KCNN3: variants seen among roughly 807,000 people sequenced by gnomAD.
The protein encoded by KCNN3 is small conductance calcium-activated potassium channel protein 3.
A neutral mutation model predicts 62.9 loss-of-function variants in KCNN3; 16 were observed. That is an observed-to-expected ratio of 0.25 (90% CI 0.17 to 0.39). The LOEUF is 0.39. KCNN3 is among the 10% of genes least tolerant of loss of function. The pLI, the probability that KCNN3 is intolerant of heterozygous loss-of-function variation, is 1.00. For synonymous variants in KCNN3, 370 were observed against 389.2 expected, an observed-to-expected ratio of 0.95 and a Z score of 0.58; for missense variants, 599 against 949.4, an observed-to-expected ratio of 0.63 and a Z score of 4.85.
intron 3 of KCNN3, among the ~76,000 whole-genome samples, chr1:154,761,250 A>C (rs926068203): frequency 6.6e-6 from 1 of 152,232 alleles, no homozygotes; most frequent in Non-Finnish European, 1.5e-5. Context: ...GGATCACCTG[A>C]GACCAGGAGC....
chr1:154,867,948 C>T (rs1653017017), intron 1 of KCNN3: 1 of 985,074 alleles, frequency 1.0e-6, no homozygotes. Context: ...CAGAAACCCA[C>T]CTTCCTCCAT....
intron 3 of KCNN3, among the ~76,000 whole-genome samples, chr1:154,739,703 G>T (rs570166062): frequency 3.9e-5 from 6 of 152,344 alleles, no homozygotes; most frequent in Admixed American, 3.3e-4. Context: ...CTGAAGTTAG[G>T]TTATGGTAAG....
At chr1:154,814,722 A>G (rs1451366189) in intron 2 of KCNN3, among the ~76,000 whole-genome samples, 1 of 152,196 alleles carries the variant, frequency 6.6e-6, no homozygotes, top group Non-Finnish European at 1.5e-5. Flanking sequence ...TTCTGTCTTC[A>G]AAGTGTAGTC....
intron 2 of KCNN3, among the ~76,000 whole-genome samples, chr1:154,817,999 G>A (rs112863534): frequency 6.6e-6 from 1 of 152,128 alleles, no homozygotes; most frequent in Non-Finnish European, 1.5e-5. Context: ...GGATTAGCAC[G>A]GTCTGAGAGC....
chr1:154,837,886 A>G lies in KCNN3; in HGVS notation c.934-15702T>C, dbSNP rs1651657826. Among the ~76,000 whole-genome samples the G allele has an allele frequency of 2.0e-5, 3 of 152,320 alleles. No homozygotes were observed. In the South Asian group the frequency reaches 6.2e-4, roughly 32 times the overall value. Reference sequence around the variant, plus strand: ...GGGTGAACTGTCTCACTGAAGAGACACAGCTGGGCCCAGCCAGGGCTGTGT... The same window carrying G: ...GGGTGAACTGTCTCACTGAAGAGACGCAGCTGGGCCCAGCCAGGGCTGTGT... On this transcript the variant is annotated intron_variant, in intron 1 of 7. Coordinates refer to ENST00000271915, the MANE Select transcript of KCNN3 (RefSeq NM_002249.6).
At chr1:154,800,836 C>T (rs904835633) in intron 2 of KCNN3, among the ~76,000 whole-genome samples, 2 of 152,080 alleles carry the variant, frequency 1.3e-5, no homozygotes, top group East Asian at 1.9e-4. Flanking sequence ...CTTGAGCTCA[C>T]GAGTTTGAGA....
intron 3 of KCNN3, among the ~76,000 whole-genome samples, chr1:154,743,975 G>A (rs2101805274): frequency 6.6e-6 from 1 of 152,186 alleles, no homozygotes; most frequent in East Asian, 1.9e-4. Flanking sequence ...TTGCACAAAT[G>A]TCAGCTTCTC....
intron 2 of KCNN3, among the ~76,000 whole-genome samples, chr1:154,814,556 G>A (rs758949510): frequency 3.9e-5 from 6 of 152,212 alleles, no homozygotes; most frequent in Non-Finnish European, 7.3e-5. Flanking sequence ...CCTGGAGGAG[G>A]AAATATCTAT....
chr1:154,707,909 C>T lies in KCNN3; in HGVS notation c.*67G>A. 1 of 1,508,070 alleles carries T rather than the reference C, an allele frequency of 6.6e-7. No homozygotes were observed. The highest frequency in any genetic ancestry group is 2.3e-5 in the East Asian group (1 of 44,012). The allele number at this position is 1,508,070 out of a possible 1,614,324, so 93.4% of individuals were successfully genotyped here. On this transcript the variant is annotated 3_prime_UTR_variant, in exon 8 of 8. Coordinates refer to ENST00000271915, the MANE Select transcript of KCNN3 (RefSeq NM_002249.6). ...GTCTGAATGTTTCTTGATGGCAAAG[C>T]GACCAGGAGAGAGTTGATTTGCATC...
chr1:154,754,801 C>T (rs548992749), intron 3 of KCNN3, among the ~76,000 whole-genome samples: 9 of 152,284 alleles, frequency 5.9e-5, no homozygotes, highest in Non-Finnish European at 1.0e-4. Flanking sequence ...TTTGTTTAAG[C>T]TATTGTTGTT....
At chr1:154,752,881 C>T (rs1362384866) in intron 3 of KCNN3, among the ~76,000 whole-genome samples, 3 of 152,170 alleles carry the variant, frequency 2.0e-5, no homozygotes, top group African/African-American at 7.2e-5. Context: ...AGAAGTTTCT[C>T]CTCCCTCGGC....
chr1:154,828,170 T>C (rs1651216192), intron 1 of KCNN3, among the ~76,000 whole-genome samples: 1 of 152,074 alleles, frequency 6.6e-6, no homozygotes, highest in South Asian at 2.1e-4. Context: ...CTCAGCCTCC[T>C]CCATAGTGAA....
chr1:154,848,269 A>C (rs1243215148), intron 1 of KCNN3, among the ~76,000 whole-genome samples: 1 of 152,148 alleles, frequency 6.6e-6, no homozygotes, highest in Non-Finnish European at 1.5e-5. Context: ...CGAGCCTCAC[A>C]CACAACTCAG....
intron 5 of KCNN3, among the ~76,000 whole-genome samples, chr1:154,723,856 C>T (rs113903210): frequency 1.5e-3 from 234 of 152,284 alleles, no homozygotes; most frequent in African/African-American, 5.4e-3. Context: ...TTAGGTGTTT[C>T]AATAACTTGA....
At chr1:154,752,741 G>C (rs949944390) in intron 3 of KCNN3, among the ~76,000 whole-genome samples, 4 of 152,198 alleles carry the variant, frequency 2.6e-5, no homozygotes, top group African/African-American at 9.6e-5. Context: ...CATGCCCCCT[G>C]CTGGGGGCGA....
At chr1:154,756,882 T>C (rs1647745375) in intron 3 of KCNN3, among the ~76,000 whole-genome samples, 1 of 152,224 alleles carries the variant, frequency 6.6e-6, no homozygotes, top group Non-Finnish European at 1.5e-5. Flanking sequence ...ATATATTTAA[T>C]TCCTAGCACA....
intron 3 of KCNN3, among the ~76,000 whole-genome samples, chr1:154,760,913 T>C (rs1015915808): frequency 1.3e-5 from 2 of 151,238 alleles, no homozygotes; most frequent in African/African-American, 4.9e-5. Context: ...CCAAGGCCAC[T>C]GGCCGACGGG....
rs1464427963 is a variant in KCNN3 at position 154,700,905 on chromosome 1, TA to T, written c.*7070del. 1 of 152,154 alleles carries T rather than the reference TA, an allele frequency of 6.6e-6. No individual in the cohort carries two copies. Among genetic ancestry groups the T allele is most frequent in the East Asian group, 1.9e-4 (1 of 5,204 alleles). The allele number at this position is 152,154 out of a possible 1,614,324, so 9.4% of individuals were successfully genotyped here. On this transcript the variant is annotated 3_prime_UTR_variant, in exon 8 of 8. Coordinates refer to ENST00000271915, the MANE Select transcript of KCNN3 (RefSeq NM_002249.6). ...CACCAATACATTCATCAGTCAATTG[TA>T]AAATTGAAAATAAGCCAATTTCCAT...
At chr1:154,860,645 C>A (rs770873674) in intron 1 of KCNN3, among the ~76,000 whole-genome samples, 1 of 152,176 alleles carries the variant, frequency 6.6e-6, no homozygotes, top group Non-Finnish European at 1.5e-5. Context: ...TTGTCACGGA[C>A]GGGAAGCCAT....
Sources: allele counts gnomAD v4.1 joint callset (sites outside exome capture counted in the v4.1 genomes callset), GRCh38; gene constraint gnomAD v4.1.1; transcripts MANE v1.5; gene names NCBI Gene and HGNC (gene_info 2026-07-23, HGNC 2026-07-21).